Variants in C2orf80 observed in about 807,000 individuals in gnomAD.
The protein encoded by C2orf80 is uncharacterized protein C2orf80.
C2orf80 carries 28 observed loss-of-function variants against 30.2 expected under a neutral mutation model. The ratio of observed to expected loss-of-function variants is 0.93; its 90% CI spans 0.69 to 1.27. The LOEUF (loss-of-function observed/expected upper bound fraction) is 1.27, where lower values mean the gene tolerates loss of function less well. Ranked by LOEUF, C2orf80 falls within the 50% of genes most tolerant of loss-of-function variation. C2orf80 has a pLI of 0.00. For synonymous variants in C2orf80, 80 were observed against 76.4 expected, an observed-to-expected ratio of 1.05 and a Z score of -0.24; for missense variants, 220 against 231.0, an observed-to-expected ratio of 0.95 and a Z score of 0.31.
At chr2:208,187,280 C>T (rs1696746194) in intron 1 of C2orf80, among the ~76,000 whole-genome samples, 1 of 152,156 alleles carries the variant, frequency 6.6e-6, no homozygotes, top group Non-Finnish European at 1.5e-5. Flanking sequence ...CACTTATTTA[C>T]TTAATTTACT....
rs1559340114 is a variant in C2orf80, at chr2:208,176,895, A to ATATACATATG, written c.366+3849_366+3850insCATATGTATA. The stretch of plus-strand genomic sequence containing the variant: ...TACATATGTATACATAGGTGTATAT[A>ATATACATATG]TATACATATCTGTGTATACATATCT... On this transcript the variant is annotated intron_variant, in intron 6 of 8. Coordinates refer to ENST00000341287, the MANE Select transcript of C2orf80 (RefSeq NM_001099334.3). Among the ~76,000 whole-genome samples the ATATACATATG allele has an allele frequency of 2.2e-3, 177 of 81,050 alleles. 24 individuals are homozygous for ATATACATATG. Among genetic ancestry groups the ATATACATATG allele is most frequent in the Middle Eastern group, 0.016 (2 of 128 alleles). The allele number at this position is 81,050 out of a possible 152,430, so 53.2% of individuals were successfully genotyped here. A position where few individuals can be genotyped will look rare whatever the true frequency, so the allele number is the denominator to read the frequency against.
At chr2:208,173,574 G>A (rs763496343) in intron 6 of C2orf80, among the ~76,000 whole-genome samples, 62 of 152,144 alleles carry the variant, frequency 4.1e-4, no homozygotes, top group Non-Finnish European at 7.9e-4. Context: ...GCCGTGAGCC[G>A]AGATCGTGCC....
intron 6 of C2orf80, among the ~76,000 whole-genome samples, chr2:208,180,168 G>C (rs964157825): frequency 6.6e-6 from 1 of 152,036 alleles, no homozygotes; most frequent in Admixed American, 6.6e-5. Flanking sequence ...AAACAGAGCA[G>C]AGGTTGGCAT....
chr2:208,182,892 G>A (rs1257380888), intron 4 of C2orf80, 73 bp downstream of exon 4: 1 of 1,206,396 alleles, frequency 8.3e-7, no homozygotes, highest in African/African-American at 1.5e-5. Flanking sequence ...GAAGATGTTA[G>A]GGCTGGAACT....
At chr2:208,169,215 C>T (rs544762760) in intron 8 of C2orf80, among the ~76,000 whole-genome samples, 7 of 102,930 alleles carry the variant, frequency 6.8e-5, no homozygotes, top group Non-Finnish European at 1.4e-4. Flanking sequence ...TGTCTATAAA[C>T]CCCTGTTTCA....
intron 8 of C2orf80, among the ~76,000 whole-genome samples, chr2:208,170,194 T>C (rs1696050325): frequency 1.3e-5 from 2 of 152,182 alleles, no homozygotes; most frequent in South Asian, 4.1e-4. Context: ...TCAACAAAAC[T>C]CTAAAATATC....
In C2orf80 at chr2:208,184,972, T is replaced by A. The variant is rs775988023; in HGVS notation, c.102A>T (p.Gln34His). The change falls in exon 3 of 9, where the codon CAA becomes CAT. Residue 34 changes from glutamine to histidine, a missense_variant. Transcript: ENST00000341287. Reference sequence around the variant, plus strand: ...TTACCATATCATCTAGAAAGGTGAGTTGCCGTCTTCCTTTTGGGTCAAATT... The same window carrying A: ...TTACCATATCATCTAGAAAGGTGAGATGCCGTCTTCCTTTTGGGTCAAATT... ...ENEFDPKGRR[Q>H]LTFLDDMAHY... is the part of the protein sequence containing the mutation. The A allele has an allele frequency of 3.1e-6, 5 of 1,613,634 alleles. No homozygotes were observed. The South Asian group carries it at 4.4e-5, about 14-fold the overall frequency.
chr2:208,176,258 C>T (rs1696289492), intron 6 of C2orf80, among the ~76,000 whole-genome samples: 1 of 152,168 alleles, frequency 6.6e-6, no homozygotes, highest in African/African-American at 2.4e-5. Context: ...TCACTGCCAC[C>T]TCTGCCTCCT....
intron 4 of C2orf80, among the ~76,000 whole-genome samples, chr2:208,181,596 T>C (rs1187180326): frequency 6.6e-6 from 1 of 152,174 alleles, no homozygotes; most frequent in Admixed American, 6.5e-5. Flanking sequence ...ACCATTATCC[T>C]TTCCCTTTCT....
intron 8 of C2orf80, among the ~76,000 whole-genome samples, chr2:208,169,294 T>TGTGTGTGTGTGTGTGA (rs1696017065): frequency 1.3e-5 from 2 of 151,868 alleles, no homozygotes; most frequent in Non-Finnish European, 2.9e-5. Context: ...TGTGTGTGTG[T>TGTGTGTGTGTGTGTGA]GATTTTTGGA....
chr2:208,189,946 C>T lies in C2orf80; in HGVS notation c.-76+7G>A, dbSNP rs1011826687. ...TCTTAACAAATTCCCCTTTGAGAAT[C>T]GCTCACCAACCGGAGACCGGTTCCA... is the stretch of plus-strand genomic sequence containing the variant. On this transcript the variant is annotated splice_region_variant and intron_variant, in intron 1 of 8. Transcript: ENST00000341287. The T allele has an allele frequency of 1.0e-5, 7 of 702,774 alleles. No homozygotes were observed. The highest frequency in any genetic ancestry group is 4.0e-5 in the Admixed American group (2 of 49,974). 43.5% of individuals were successfully genotyped at this position (702,774 alleles called of 1,614,324 possible).
chr2:208,184,381 A>G (rs1413430182), intron 3 of C2orf80, among the ~76,000 whole-genome samples: 1 of 152,240 alleles, frequency 6.6e-6, no homozygotes, highest in African/African-American at 2.4e-5. Flanking sequence ...TCGGAGAAGA[A>G]GAGGAGAGGG....
At chr2:208,176,943 GTATACATATCTGTATACATATGTATACAT>G (rs1559340476) in intron 6 of C2orf80, among the ~76,000 whole-genome samples, 2,436 of 87,654 alleles carry the variant, frequency 0.028, 584 homozygotes, top group Non-Finnish European at 0.049. Context: ...ATACATATCT[GTATACATATCTGTATACATATGTATACAT>G]ATATACAGAA....
At chr2:208,171,949 C>T in intron 7 of C2orf80, 39 bp downstream of exon 7, 1 of 1,530,302 alleles carries the variant, frequency 6.5e-7, no homozygotes, top group South Asian at 1.1e-5. Context: ...CCTAGTTTGA[C>T]TTACATTCCT....
Position 208,171,037 on chromosome 2 carries a change from T to A in C2orf80, c.481A>T (p.Asn161Tyr). The A allele has an allele frequency of 6.2e-7, 1 of 1,614,100 alleles. No homozygotes were observed. The highest frequency in any genetic ancestry group is 8.5e-7 in the Non-Finnish European group (1 of 1,179,922). Residue 161 changes from asparagine (N) to tyrosine (Y), a missense_variant, in exon 8 of 9, where the codon AAT (asparagine) becomes TAT (tyrosine). Transcript: ENST00000341287. ...QSVKSRKVTT[N>Y]KNATSISAKE... Reference sequence around the variant, plus strand: ...GCAGAGATGCTGGTGGCATTTTTATTTGTTGTTACCTTTCTTGACTTGACA... The same window carrying A: ...GCAGAGATGCTGGTGGCATTTTTATATGTTGTTACCTTTCTTGACTTGACA...
intron 6 of C2orf80, among the ~76,000 whole-genome samples, chr2:208,178,443 C>A (rs1171343672): frequency 2.0e-5 from 3 of 152,032 alleles, no homozygotes; most frequent in African/African-American, 7.2e-5. Context: ...AGGGAGAAAG[C>A]TGCAGAAAAA....
intron 6 of C2orf80, among the ~76,000 whole-genome samples, chr2:208,178,738 AC>A (rs1051103982): frequency 6.6e-6 from 1 of 151,728 alleles, no homozygotes; most frequent in Non-Finnish European, 1.5e-5. Flanking sequence ...ACATAGGGAG[AC>A]CCCCATCCCT....
intron 6 of C2orf80, among the ~76,000 whole-genome samples, chr2:208,172,806 A>G (rs928485678): frequency 1.3e-5 from 2 of 152,158 alleles, no homozygotes; most frequent in Non-Finnish European, 2.9e-5. Context: ...TTGCCGTGCA[A>G]TGCTTCTTGC....
intron 3 of C2orf80, 112 bp from the exon 4 acceptor site, chr2:208,183,159 A>G (rs1407336509): frequency 2.6e-6 from 2 of 770,604 alleles, no homozygotes; most frequent in African/African-American, 1.7e-5. Flanking sequence ...GTCATGTCCA[A>G]AATGGGAAGG....
Sources: gnomAD v4.1 joint callset for allele counts (sites outside exome capture counted in the v4.1 genomes callset) on GRCh38, gnomAD v4.1.1 for gene constraint, MANE v1.5 for transcripts, NCBI Gene and HGNC (gene_info 2026-07-23, HGNC 2026-07-21) for gene names.